Variants in DLGAP2 observed in about 807,000 individuals in gnomAD.
DLGAP2 encodes disks large-associated protein 2.
DLGAP2 carries 26 observed loss-of-function variants against 100.3 expected under a neutral mutation model. That is an observed-to-expected ratio of 0.26 (90% CI 0.19 to 0.36). The LOEUF is 0.36. DLGAP2 is among the 10% of genes least tolerant of loss of function. The pLI is 1.00. For synonymous variants in DLGAP2, 886 were observed against 630.1 expected (o/e 1.41, Z -6.08); for missense variants, 1,858 against 1,453.2 (o/e 1.28, Z -4.53).
At chr8:1,365,858 G>T (rs1049451883) in intron 3 of DLGAP2, among the ~76,000 whole-genome samples, 12 of 152,368 alleles carry the variant, frequency 7.9e-5, no homozygotes, top group African/African-American at 2.9e-4. Context: ...AATACACAGT[G>T]TCACCTCTCT....
chr8:1,518,411 A>G (rs1800470118), intron 4 of DLGAP2, among the ~76,000 whole-genome samples: 3 of 152,194 alleles, frequency 2.0e-5, no homozygotes, highest in African/African-American at 7.2e-5. Context: ...TTTAAATACA[A>G]ATTATGAAGG....
In DLGAP2 at chr8:1,668,662, C is replaced by A. The variant is rs1798610061; in HGVS notation, c.2144C>A (p.Ser715Tyr). The A allele has an allele frequency of 6.4e-7, 1 of 1,562,064 alleles. No individual in the cohort carries two copies. Among genetic ancestry groups the A allele is most frequent in the Non-Finnish European group, 8.7e-7 (1 of 1,152,612 alleles). Residue 715 changes from serine to tyrosine, a missense_variant, in exon 9 of 15, where the codon TCC becomes TAC. Ser to Tyr is a moderately radical substitution (Grantham distance 144). Coordinates refer to ENST00000637795, the MANE Select transcript of DLGAP2 (RefSeq NM_001346810.2). ...KAEELLKSRC[S>Y]SIGIQDSEFP... The stretch of plus-strand genomic sequence containing the variant: ...GAGGAGCTCCTCAAGAGCCGCTGCT[C>A]CTCCATCGGGATTCAGGTAGCTGCT...
At chr8:1,576,879 A>T (rs2130624011) in intron 6 of DLGAP2, among the ~76,000 whole-genome samples, 1 of 152,288 alleles carries the variant, frequency 6.6e-6, no homozygotes, top group Admixed American at 6.5e-5. Flanking sequence ...CATCCCCATC[A>T]AGCTACCAAT....
At chr8:1,691,692 C>T (rs1483411316) in intron 13 of DLGAP2, 66 bp downstream of exon 13, 2 of 1,332,570 alleles carry the variant, frequency 1.5e-6, no homozygotes, top group Non-Finnish European at 2.1e-6. Context: ...TCCACAGATT[C>T]TCATTGTTTT....
At chr8:1,309,798 G>C (rs1409394982) in intron 3 of DLGAP2, among the ~76,000 whole-genome samples, 1 of 152,228 alleles carries the variant, frequency 6.6e-6, no homozygotes, top group Non-Finnish European at 1.5e-5. Context: ...ATGTGTAAAG[G>C]TGAAACCTGT....
intron 3 of DLGAP2, among the ~76,000 whole-genome samples, chr8:1,491,554 A>G (rs1052390171): frequency 2.6e-5 from 4 of 152,234 alleles, no homozygotes; most frequent in African/African-American, 9.6e-5. Context: ...AGCATGGTGG[A>G]CATATCTTTA....
chr8:1,034,608 C>A (rs56368182), intron 2 of DLGAP2, among the ~76,000 whole-genome samples: 2 of 42,330 alleles, frequency 4.7e-5, no homozygotes, highest in African/African-American at 1.8e-4. Flanking sequence ...GGTTCACAGC[C>A]TCATCCCGAC....
rs1801688088 is a variant in DLGAP2, at chr8:1,549,540, G to T, written c.1087G>T (p.Ala363Ser). 6.2e-7 allele frequency: 1 copy of T among 1,613,182 alleles called. No homozygotes were observed. The highest frequency in any genetic ancestry group is 8.5e-7 in the Non-Finnish European group (1 of 1,179,856). The change falls in exon 5 of 15, where the codon GCC becomes TCC. Residue 363 changes from alanine (A) to serine (S), a missense_variant. Coordinates refer to ENST00000637795, the MANE Select transcript of DLGAP2 (RefSeq NM_001346810.2). ...TGAGGGGTTGGCGCTGACGCCCGAC[G>T]CCAAGTACCTGAAGCGCAGCTCCTG... ...ACEGLALTPDAKYLKRSSWST... is the reference protein window; with the variant it reads ...ACEGLALTPDSKYLKRSSWST...
At chr8:957,870 T>C (rs1172863795) in intron 2 of DLGAP2, among the ~76,000 whole-genome samples, 1 of 148,808 alleles carries the variant, frequency 6.7e-6, no homozygotes, top group East Asian at 2.0e-4. Context: ...AAAATATTTT[T>C]ATTGTGGGAA....
intron 12 of DLGAP2, among the ~76,000 whole-genome samples, chr8:1,687,582 C>CCAA (rs764608107): frequency 4.6e-5 from 7 of 152,206 alleles, no homozygotes; most frequent in Non-Finnish European, 8.8e-5. Flanking sequence ...CACTTTTTGA[C>CCAA]ATTCATTATC....
At position 1,680,086 on chromosome 8, in the gene DLGAP2, A is replaced by G. The variant is rs114196487; in HGVS notation, c.2704+1457A>G. 8.2e-3 allele frequency among the ~76,000 whole-genome samples: 1,242 copies of G among 152,246 alleles called. 20 individuals carry two copies. The highest frequency in any genetic ancestry group is 0.029 in the African/African-American group (1,190 of 41,540). On this transcript the variant is annotated intron_variant, in intron 12 of 14. Transcript: ENST00000637795. ...ACCACCTGTCTTTGTTTATAGACCA[A>G]TTACATAATTGCACAATACCTACAA...
At chr8:1,196,147 G>C (rs934567701) in intron 2 of DLGAP2, among the ~76,000 whole-genome samples, 1 of 152,208 alleles carries the variant, frequency 6.6e-6, no homozygotes, top group African/African-American at 2.4e-5. Context: ...TTAACTGCTT[G>C]TTGTAGTAGT....
intron 2 of DLGAP2, among the ~76,000 whole-genome samples, chr8:1,206,037 C>G (rs896806156): frequency 1.3e-5 from 2 of 152,106 alleles, no homozygotes; most frequent in Non-Finnish European, 2.9e-5. Flanking sequence ...GCAAATCAAG[C>G]AGGAAGTTCA....
intron 3 of DLGAP2, among the ~76,000 whole-genome samples, chr8:1,348,216 T>C (rs1464996977): frequency 6.6e-6 from 1 of 152,248 alleles, no homozygotes; most frequent in African/African-American, 2.4e-5. Flanking sequence ...ATTGCACTCA[T>C]GGTAGCTGTT....
At chr8:1,039,660 G>GC (rs1563158903) in intron 2 of DLGAP2, among the ~76,000 whole-genome samples, 7 of 36,604 alleles carry the variant, frequency 1.9e-4, no homozygotes, top group African/African-American at 2.3e-4. Context: ...AGCTCGGTGT[G>GC]GGTGGTCAGC....
intron 3 of DLGAP2, among the ~76,000 whole-genome samples, chr8:1,462,610 G>T (rs1798492091): frequency 6.6e-6 from 1 of 152,182 alleles, no homozygotes; most frequent in South Asian, 2.1e-4. Context: ...ACCTTGGGTG[G>T]ATGGGAATTA....
At chr8:1,686,065 G>A (rs942203217) in intron 12 of DLGAP2, among the ~76,000 whole-genome samples, 2 of 152,212 alleles carry the variant, frequency 1.3e-5, no homozygotes, top group Non-Finnish European at 2.9e-5. Flanking sequence ...TCATTGTCCT[G>A]CTGGGCATAG....
chr8:890,561 C>T (rs1430516642), intron 1 of DLGAP2, among the ~76,000 whole-genome samples: 1 of 151,864 alleles, frequency 6.6e-6, no homozygotes, highest in African/African-American at 2.4e-5. Flanking sequence ...CTCCTCCTCC[C>T]TTCCCTCCTC....
chr8:762,238 A>G (rs1821106441), intron 1 of DLGAP2, among the ~76,000 whole-genome samples: 1 of 151,528 alleles, frequency 6.6e-6, no homozygotes, highest in African/African-American at 2.4e-5. Flanking sequence ...CACTCTTACC[A>G]TGAAGTGGTA....
Sources: gnomAD v4.1 joint callset for allele counts (sites outside exome capture counted in the v4.1 genomes callset) on GRCh38, gnomAD v4.1.1 for gene constraint, MANE v1.5 for transcripts, NCBI Gene and HGNC (gene_info 2026-07-23, HGNC 2026-07-21) for gene names.